The following CLDN14 variants were observed in gnomAD, a reference collection of about 807,000 sequenced individuals.
CLDN14 encodes the protein claudin-14.
A neutral mutation model predicts 2.1 loss-of-function variants in CLDN14; 2 were observed. The ratio of observed to expected loss-of-function variants is 0.96; its 90% confidence interval spans 0.39 to 3.01. CLDN14 has a LOEUF of 3.01. Among genes scored for constraint, CLDN14 ranks in the 30% most tolerant of loss-of-function variants. The pLI is 0.09. For missense variants in CLDN14, 298 were observed against 328.0 expected (o/e 0.91, Z 0.71); for synonymous variants, 136 against 154.4 (o/e 0.88, Z 0.88).
intron 2 of CLDN14, chr21:36,486,947 G>T: frequency 1.9e-6 from 1 of 521,132 alleles, no homozygotes; most frequent in Non-Finnish European, 3.6e-6. Flanking sequence ...AGTGTGATGA[G>T]GGCCATGTTG....
At chr21:36,525,336 C>T (rs541383619) in intron 1 of CLDN14, among the ~76,000 whole-genome samples, 1 of 151,638 alleles carries the variant, frequency 6.6e-6, no homozygotes, top group Non-Finnish European at 1.5e-5. Flanking sequence ...GAACGCCATG[C>T]TGAGTCTTGA....
chr21:36,493,738 T>A (rs550484245), intron 2 of CLDN14, among the ~76,000 whole-genome samples: 2 of 151,922 alleles, frequency 1.3e-5, no homozygotes, highest in Admixed American at 1.3e-4. Context: ...CTTGGAATCA[T>A]TGGAGGAGGC....
intron 1 of CLDN14, among the ~76,000 whole-genome samples, chr21:36,571,178 T>TAG (rs1249422275): frequency 3.3e-5 from 5 of 152,236 alleles, no homozygotes; most frequent in Non-Finnish European, 7.3e-5. Context: ...TGACACTGTG[T>TAG]AGAAAGCTGA....
At chr21:36,485,528 G>A (rs1469051077) in intron 2 of CLDN14, among the ~76,000 whole-genome samples, 1 of 151,300 alleles carries the variant, frequency 6.6e-6, no homozygotes, top group Non-Finnish European at 1.5e-5. Flanking sequence ...ATTTTCGTTA[G>A]GATCAGACGG....
intron 1 of CLDN14, chr21:36,477,658 T>G (rs2086794951): frequency 6.6e-6 from 1 of 152,000 alleles, no homozygotes; most frequent in Non-Finnish European, 1.5e-5. Context: ...CCCCGACACT[T>G]CTCTTGGGAA....
At chr21:36,575,204 G>A (rs189568046) in intron 1 of CLDN14, among the ~76,000 whole-genome samples, 32 of 152,272 alleles carry the variant, frequency 2.1e-4, no homozygotes, top group African/African-American at 7.5e-4. Flanking sequence ...GGACCCCTTG[G>A]TTTACTCCTG....
intron 1 of CLDN14, among the ~76,000 whole-genome samples, chr21:36,472,859 T>C (rs930223677): frequency 2.2e-4 from 34 of 152,166 alleles, no homozygotes. Flanking sequence ...CATGACCTCA[T>C]TGAACCCTAA....
rs1235938918 is a variant in CLDN14, at chr21:36,544,544, G to A, written c.-220+31867C>T. On this transcript the variant is annotated intron_variant, in intron 1 of 2. Coordinates refer to the CLDN14 transcript ENST00000342108. The surrounding 1 kb of genome is among the most constrained non-coding windows in gnomAD (Gnocchi z 4.1). ...GCAAATTTGAGGCTGGGGAGAATTTGAATTTTCCTGTGCACTAACCACAGG... is the reference window on the plus strand; with the variant it reads ...GCAAATTTGAGGCTGGGGAGAATTTAAATTTTCCTGTGCACTAACCACAGG... Among the ~76,000 whole-genome samples, 5 of 152,192 alleles carry A rather than the reference G, an allele frequency of 3.3e-5. No individual in the cohort carries two copies. The highest frequency in any genetic ancestry group is 5.9e-5 in the Non-Finnish European group (4 of 68,024).
chr21:36,564,483 G>T (rs754482399), intron 1 of CLDN14, among the ~76,000 whole-genome samples: 1 of 152,148 alleles, frequency 6.6e-6, no homozygotes, highest in Admixed American at 6.6e-5. Context: ...GTGTGGTTTC[G>T]CCCCTGGAGG....
Position 36,461,700 on chromosome 21 carries a change from C to T in CLDN14, c.-5G>A, listed in dbSNP as rs368231049. 54 of 1,549,138 alleles carry T rather than the reference C, an allele frequency of 3.5e-5. No homozygotes were observed. In the East Asian group the frequency reaches 7.8e-4, roughly 22 times the overall value. On this transcript the variant is annotated 5_prime_UTR_variant, in exon 2 of 2. Coordinates refer to ENST00000399135, the MANE Select transcript of CLDN14 (RefSeq NM_001146079.2). ...CTGCACGGCCGTGCTGGCCATGGTG[C>T]GGCTGCCTGCCTAGGCCAGCCGGGC...
chr21:36,534,045 G>A lies in CLDN14; in HGVS notation c.-219-23545C>T, dbSNP rs148578318. ...GACGTGCCTGTGCAGCTGAGGACTA[G>A]AACTGAACACAGAAAAATTGCAATA... On this transcript the variant is annotated intron_variant, in intron 1 of 2. Transcript: ENST00000342108. 7.0e-4 allele frequency among the ~76,000 whole-genome samples: 106 copies of A among 152,216 alleles called. No individual in the cohort carries two copies. In the East Asian group the frequency reaches 0.014, roughly 20 times the overall value.
At chr21:36,555,864 T>A (rs447184) in intron 1 of CLDN14, among the ~76,000 whole-genome samples, 110,793 of 149,950 alleles carry the variant, frequency 0.74, 42,183 homozygotes, top group Non-Finnish European at 0.85. Context: ...AGAGAGAGAG[T>A]GTGTGTGTGT....
In CLDN14 at chr21:36,498,883, G is replaced by C. The variant is rs1177042874; in HGVS notation, c.-82+11480C>G. Reference sequence around the variant, plus strand: ...TTCAACCAAGGCTTGATTCCTGCCTGAGGTGCCAGGAACCTGTCCCTTTCT... The same window carrying C: ...TTCAACCAAGGCTTGATTCCTGCCTCAGGTGCCAGGAACCTGTCCCTTTCT... On this transcript the variant is annotated intron_variant, in intron 2 of 2. Coordinates refer to the CLDN14 transcript ENST00000342108. The surrounding 1 kb of genome is among the most constrained non-coding windows in gnomAD (Gnocchi z 4.9). Among the ~76,000 whole-genome samples the C allele has an allele frequency of 6.6e-6, 1 of 152,112 alleles. No individual in the cohort carries two copies. Among genetic ancestry groups the C allele is most frequent in the African/African-American group, 2.4e-5 (1 of 41,420 alleles).
intron 2 of CLDN14, chr21:36,486,987 T>A (rs1267842442): frequency 1.4e-5 from 2 of 144,786 alleles, no homozygotes; most frequent in Non-Finnish European, 2.7e-5. Flanking sequence ...TTTTGTTTAA[T>A]TTTTTTTTTT....
intron 1 of CLDN14, among the ~76,000 whole-genome samples, chr21:36,523,046 CCCTCCCCA>C (rs1195283818): frequency 2.6e-5 from 4 of 152,104 alleles, no homozygotes; most frequent in Non-Finnish European, 5.9e-5. Context: ...CAGTGACCAC[CCCTCCCCA>C]CCTCCCCAGG....
At chr21:36,519,152 G>A (rs2087250188) in intron 1 of CLDN14, among the ~76,000 whole-genome samples, 1 of 152,198 alleles carries the variant, frequency 6.6e-6, no homozygotes, top group African/African-American at 2.4e-5. Flanking sequence ...TTAGCTGGAT[G>A]TAGCTAATTA....
At chr21:36,497,657 A>G (rs959977257) in intron 2 of CLDN14, among the ~76,000 whole-genome samples, 14 of 152,152 alleles carry the variant, frequency 9.2e-5, no homozygotes, top group African/African-American at 4.8e-5. Flanking sequence ...AACGAAGCCC[A>G]GAAATCAGTC....
intron 1 of CLDN14, among the ~76,000 whole-genome samples, chr21:36,547,651 G>T (rs1050932626): frequency 2.6e-5 from 4 of 152,174 alleles, no homozygotes; most frequent in African/African-American, 9.6e-5. Flanking sequence ...ACACTAATGA[G>T]CCCTCAACTC....
intron 1 of CLDN14, among the ~76,000 whole-genome samples, chr21:36,566,859 T>C (rs550410085): frequency 7.2e-5 from 11 of 152,226 alleles, no homozygotes; most frequent in African/African-American, 2.4e-4. Flanking sequence ...TTCAGGACCA[T>C]AAATCAGGGG....
Sources: gnomAD v4.1 joint callset for allele counts (sites outside exome capture counted in the v4.1 genomes callset) on GRCh38, gnomAD v4.1.1 for gene constraint, Gnocchi (gnomAD v3.1) non-coding constraint, MANE v1.5 for transcripts, NCBI Gene and HGNC (gene_info 2026-07-23, HGNC 2026-07-21) for gene names.